Variants in DSCAML1 observed in about 807,000 individuals in gnomAD.
DSCAML1 encodes the protein DS cell adhesion molecule like 1, also known as cell adhesion molecule DSCAML1.
Under a neutral mutation model 200.5 loss-of-function variants are expected in DSCAML1, and 38 were observed. The observed-to-expected ratio is 0.19, with a 90% CI of 0.15 to 0.25. The LOEUF is 0.25. Among genes scored for constraint, DSCAML1 ranks in the 10% least tolerant of loss-of-function variants. The pLI is 1.00. For missense variants in DSCAML1, 2,223 were observed against 2,858.8 expected (o/e 0.78, Z 5.07); for synonymous variants, 1,215 against 1,165.0 (o/e 1.04, Z -0.87).
At chr11:117,444,559 G>A (rs1479419589) in intron 20 of DSCAML1, among the ~76,000 whole-genome samples, 2 of 152,174 alleles carry the variant, frequency 1.3e-5, no homozygotes, top group Non-Finnish European at 2.9e-5. Context: ...CCAGGGAGGA[G>A]GGGGCGGGAG....
At chr11:117,542,255 G>A (rs533795711) in intron 3 of DSCAML1, among the ~76,000 whole-genome samples, 1 of 152,212 alleles carries the variant, frequency 6.6e-6, no homozygotes, top group South Asian at 2.1e-4. Flanking sequence ...GAGATCGCAT[G>A]ACTGCATTTC....
At chr11:117,679,565 G>A (rs1162383472) in intron 3 of DSCAML1, among the ~76,000 whole-genome samples, 1 of 152,168 alleles carries the variant, frequency 6.6e-6, no homozygotes, top group Non-Finnish European at 1.5e-5. Context: ...TATTCCTAAA[G>A]CTGCCAGCTG....
intron 4 of DSCAML1, among the ~76,000 whole-genome samples, chr11:117,527,446 T>A (rs1020870438): frequency 2.6e-5 from 4 of 152,202 alleles, no homozygotes; most frequent in Middle Eastern, 3.4e-3. Context: ...GAACCATAAA[T>A]GTCTAGGGAG....
At chr11:117,755,492 C>T (rs940158000) in intron 3 of DSCAML1, among the ~76,000 whole-genome samples, 2 of 152,092 alleles carry the variant, frequency 1.3e-5, no homozygotes, top group Non-Finnish European at 1.5e-5. Context: ...AGAATCCATC[C>T]CTGCCCCCCG....
chr11:117,545,809 C>T (rs1482030759), intron 3 of DSCAML1, among the ~76,000 whole-genome samples: 2 of 152,220 alleles, frequency 1.3e-5, no homozygotes, highest in Admixed American at 1.3e-4. Flanking sequence ...CATCTGCACC[C>T]TCAATCAAAG....
At chr11:117,467,123 A>AC (rs1555172687) in intron 16 of DSCAML1, among the ~76,000 whole-genome samples, 3 of 149,708 alleles carry the variant, frequency 2.0e-5, no homozygotes, top group South Asian at 2.1e-4. Flanking sequence ...GGGGCTGGAA[A>AC]ACTCTCATCC....
rs1555032678 is a variant in DSCAML1, at chr11:117,780,231, G to GAAAGAAAGAAAGAAAAA, written c.364+261_364+262insTTTTTCTTTCTTTCTTT. Among the ~76,000 whole-genome samples the GAAAGAAAGAAAGAAAAA allele has an allele frequency of 1.6e-5, 1 of 60,646 alleles. No individual in the cohort carries two copies. Among genetic ancestry groups the GAAAGAAAGAAAGAAAAA allele is most frequent in the African/African-American group, 6.6e-5 (1 of 15,246 alleles). The allele number at this position is 60,646 out of a possible 152,430, so 39.8% of individuals were successfully genotyped here. ...AAAGAGAGAGAGAGAAAGAAAGAAA[G>GAAAGAAAGAAAGAAAAA]GAAAGAAAGAAAGAAAGAAAGAAAG... On this transcript the variant is annotated intron_variant, in intron 2 of 32. Coordinates refer to ENST00000651296, the MANE Select transcript of DSCAML1 (RefSeq NM_020693.4). This position sits in a 1 kb window ranked among gnomAD's most constrained non-coding sequence, Gnocchi z 4.8.
chr11:117,799,458 G>T (rs532879110), upstream of DSCAML1, among the ~76,000 whole-genome samples: 60 of 152,266 alleles, frequency 3.9e-4, no homozygotes, highest in Middle Eastern at 0.01. Flanking sequence ...CTTTATGCTA[G>T]TTATACACAG....
chr11:117,549,006 G>A (rs1444977240), intron 3 of DSCAML1, among the ~76,000 whole-genome samples: 1 of 152,162 alleles, frequency 6.6e-6, no homozygotes, highest in Non-Finnish European at 1.5e-5. Context: ...TGGCTAAAAG[G>A]GACATGGCAC....
chr11:117,483,977 A>T (rs1400310822), intron 11 of DSCAML1, among the ~76,000 whole-genome samples: 1 of 151,558 alleles, frequency 6.6e-6, no homozygotes, highest in Non-Finnish European at 1.5e-5. Context: ...GCAATCGTGC[A>T]AAAAGGGGCT....
chr11:117,765,551 A>C (rs542358515), intron 3 of DSCAML1, among the ~76,000 whole-genome samples: 2 of 152,094 alleles, frequency 1.3e-5, no homozygotes, highest in Non-Finnish European at 2.9e-5. Context: ...CCTCACAGAG[A>C]CCTCCCAGGC....
intron 3 of DSCAML1, among the ~76,000 whole-genome samples, chr11:117,758,462 C>T (rs1045809488): frequency 1.7e-4 from 26 of 151,150 alleles, no homozygotes; most frequent in Non-Finnish European, 2.9e-4. Context: ...AGTGCAGTGG[C>T]GCGATCTCGG....
At chr11:117,665,990 G>A (rs546084527) in intron 3 of DSCAML1, among the ~76,000 whole-genome samples, 89 of 152,284 alleles carry the variant, frequency 5.8e-4, no homozygotes, top group African/African-American at 1.8e-3. Flanking sequence ...TATTGCCTGC[G>A]TGAGGATTGA....
chr11:117,728,358 C>T (rs1401270616), intron 3 of DSCAML1, among the ~76,000 whole-genome samples: 1 of 152,154 alleles, frequency 6.6e-6, no homozygotes, highest in East Asian at 1.9e-4. Context: ...TACATCCTCC[C>T]TAAAATCAGG....
intron 3 of DSCAML1, among the ~76,000 whole-genome samples, chr11:117,671,059 T>C (rs1209118174): frequency 6.6e-6 from 1 of 152,196 alleles, no homozygotes; most frequent in Non-Finnish European, 1.5e-5. Context: ...GGCCTGTGCC[T>C]AGCATAAGGA....
chr11:117,792,046 G>A (rs2055476342), intron 1 of DSCAML1, among the ~76,000 whole-genome samples: 1 of 152,214 alleles, frequency 6.6e-6, no homozygotes, highest in African/African-American at 2.4e-5. Flanking sequence ...CCAGTGGGTT[G>A]CAACCTTTCT....
At chr11:117,614,887 A>G (rs2051778762) in intron 3 of DSCAML1, among the ~76,000 whole-genome samples, 1 of 152,216 alleles carries the variant, frequency 6.6e-6, no homozygotes, top group South Asian at 2.1e-4. Flanking sequence ...CAGTGTGGCC[A>G]ACACTGCCCC....
Position 117,437,522 on chromosome 11 carries a change from G to A in DSCAML1, c.4433-113C>T. 8 of 1,298,156 alleles carry A rather than the reference G, an allele frequency of 6.2e-6. No individual in the cohort carries two copies. The highest frequency in any genetic ancestry group is 8.6e-6 in the Non-Finnish European group (8 of 934,722). The allele number at this position is 1,298,156 out of a possible 1,614,324, so 80.4% of individuals were successfully genotyped here. On this transcript the variant is annotated intron_variant, in intron 25 of 32. Coordinates refer to ENST00000651296, the MANE Select transcript of DSCAML1 (RefSeq NM_020693.4). This position sits in a 1 kb window ranked among gnomAD's most constrained non-coding sequence, Gnocchi z 5.3. ...GGCAGCTGGGATGGCAGTGGCTCCA[G>A]GAGAATACATGTTTGGCACAGATGG...
chr11:117,720,977 A>T (rs1239640414), intron 3 of DSCAML1, among the ~76,000 whole-genome samples: 1 of 152,184 alleles, frequency 6.6e-6, no homozygotes, highest in African/African-American at 2.4e-5. Flanking sequence ...GCCCTCTCAT[A>T]AGCAATCTTG....
Sources: allele counts gnomAD v4.1 joint callset (sites outside exome capture counted in the v4.1 genomes callset), GRCh38; gene constraint gnomAD v4.1.1; non-coding constraint Gnocchi (gnomAD v3.1); transcripts MANE v1.5; gene names NCBI Gene and HGNC (gene_info 2026-07-23, HGNC 2026-07-21).